The following ROBO2 variants were observed in gnomAD, a reference collection of about 807,000 sequenced individuals.
ROBO2 encodes the protein roundabout homolog 2.
ROBO2 carries 53 observed loss-of-function variants against 160.8 expected under a neutral mutation model. The observed-to-expected ratio is 0.33, with a 90% confidence interval of 0.26 to 0.41. The LOEUF is 0.41. Among genes scored for constraint, ROBO2 ranks in the 10% least tolerant of loss-of-function variants. The pLI is 1.00. For missense variants in ROBO2, 1,577 were observed against 1,722.4 expected, an observed-to-expected ratio of 0.92 and a Z score of 1.49; for synonymous variants, 664 against 611.7, an observed-to-expected ratio of 1.09 and a Z score of -1.26.
intron 3 of ROBO2, 71 bp from the exon 4 acceptor site, chr3:77,481,028 A>C: frequency 7.5e-7 from 1 of 1,335,172 alleles, no homozygotes; most frequent in Non-Finnish European, 1.1e-6. Flanking sequence ...AAAACTATTT[A>C]TTAATGACCT....
At chr3:77,602,661 G>GCCA (rs879356392) in intron 20 of ROBO2, among the ~76,000 whole-genome samples, 170 bp downstream of exon 21, 2,153 of 128,300 alleles carry the variant, frequency 0.017, 30 homozygotes, top group South Asian at 0.03. Context: ...CACCACCACC[G>GCCA]CCACCACCAC....
At chr3:76,032,840 T>G (rs911920656) in intron 2 of ROBO2, among the ~76,000 whole-genome samples, 3 of 152,190 alleles carry the variant, frequency 2.0e-5, no homozygotes, top group African/African-American at 7.2e-5. Flanking sequence ...ACGTATTGAG[T>G]GGTCCAAACA....
chr3:76,777,396 T>C (rs1057031644), intron 2 of ROBO2, among the ~76,000 whole-genome samples: 1 of 151,050 alleles, frequency 6.6e-6, no homozygotes, highest in Non-Finnish European at 1.5e-5. Flanking sequence ...ATGAGATAAG[T>C]AATAACTCTA....
chr3:77,579,339 T>A (rs1391793082), intron 15 of ROBO2, among the ~76,000 whole-genome samples: 2 of 151,966 alleles, frequency 1.3e-5, no homozygotes, highest in Non-Finnish European at 2.9e-5. Context: ...TATGTGTTGA[T>A]CAATATTAGA....
At chr3:76,377,841 T>TGTC (rs2076423840) in intron 2 of ROBO2, among the ~76,000 whole-genome samples, 1 of 152,162 alleles carries the variant, frequency 6.6e-6, no homozygotes, top group Non-Finnish European at 1.5e-5. Flanking sequence ...GAATCATTGA[T>TGTC]AACCAAACTT....
chr3:76,032,880 A>G (rs1407611211), intron 2 of ROBO2, among the ~76,000 whole-genome samples: 2 of 152,206 alleles, frequency 1.3e-5, no homozygotes, highest in Non-Finnish European at 1.5e-5. Flanking sequence ...AGCAATATTC[A>G]TATCACACAC....
intron 19 of ROBO2, 42 bp downstream of exon 20, chr3:77,596,792 TCTC>T: frequency 6.6e-7 from 1 of 1,516,400 alleles, no homozygotes; most frequent in East Asian, 2.4e-5. Flanking sequence ...GAGTTCTCTC[TCTC>T]TTTTTTTTTT....
At chr3:76,791,202 T>C (rs1056700063) in intron 2 of ROBO2, among the ~76,000 whole-genome samples, 1 of 151,698 alleles carries the variant, frequency 6.6e-6, no homozygotes, top group Non-Finnish European at 1.5e-5. Context: ...TAAGTACAAG[T>C]AGAAAAGAAC....
intron 2 of ROBO2, among the ~76,000 whole-genome samples, chr3:76,597,729 G>T (rs1010828697): frequency 1.3e-5 from 2 of 149,662 alleles, no homozygotes; most frequent in Non-Finnish European, 3.0e-5. Flanking sequence ...AGTGTCTGTT[G>T]TTCCCCTCCT....
rs901274764 is a variant in ROBO2, at chr3:76,219,145, C to A, written c.109+281543C>A. Among the ~76,000 whole-genome samples the A allele has an allele frequency of 3.3e-5, 5 of 152,258 alleles. No homozygotes were observed. In the Middle Eastern group the frequency reaches 0.014, roughly 417 times the overall value. On this transcript the variant is annotated intron_variant, in intron 2 of 26. Coordinates refer to the ROBO2 transcript ENST00000487694. ...TTGAAACTGGATCCCTTCCTTACAC[C>A]TTATACAAAAATTAATTCAAGATGG... is the stretch of plus-strand genomic sequence containing the variant.
intron 2 of ROBO2, among the ~76,000 whole-genome samples, chr3:76,480,785 C>G (rs2079167201): frequency 6.6e-6 from 1 of 151,878 alleles, no homozygotes; most frequent in Non-Finnish European, 1.5e-5. Flanking sequence ...TTGGGTGGAC[C>G]CAAACATTCA....
At chr3:76,809,497 G>A (rs886255244) in intron 2 of ROBO2, among the ~76,000 whole-genome samples, 1 of 152,084 alleles carries the variant, frequency 6.6e-6, no homozygotes, top group Non-Finnish European at 1.5e-5. Flanking sequence ...TCAAGGATGC[G>A]ATTATAACTT....
chr3:76,877,596 T>C (rs1577200991), intron 2 of ROBO2, among the ~76,000 whole-genome samples: 1 of 152,234 alleles, frequency 6.6e-6, no homozygotes, highest in South Asian at 2.1e-4. Flanking sequence ...TTCCACTTTG[T>C]ATCTTCGAAA....
intron 2 of ROBO2, among the ~76,000 whole-genome samples, chr3:77,142,391 C>T (rs1268248783): frequency 6.6e-6 from 1 of 152,166 alleles, no homozygotes; most frequent in Admixed American, 6.5e-5. Context: ...CGTACACTGA[C>T]GTGCAAGCAC....
intron 1 of ROBO2, among the ~76,000 whole-genome samples, chr3:77,070,788 C>T (rs971041216): frequency 2.6e-5 from 4 of 152,096 alleles, no homozygotes; most frequent in African/African-American, 7.2e-5. Context: ...ACTTGATTTA[C>T]ATTTCAAAGA....
chr3:76,562,016 C>A (rs116335632), intron 2 of ROBO2, among the ~76,000 whole-genome samples: 1,827 of 152,144 alleles, frequency 0.012, 38 homozygotes, highest in African/African-American at 0.041. Flanking sequence ...CTGCCCCTGT[C>A]ATTTACATCT....
chr3:76,976,428 GT>G (rs1348663601), intron 2 of ROBO2, among the ~76,000 whole-genome samples: 1 of 152,128 alleles, frequency 6.6e-6, no homozygotes, highest in Admixed American at 6.5e-5. Context: ...GAAATGGGAA[GT>G]TTTTTACAAA....
chr3:76,154,317 A>G (rs532857859), intron 2 of ROBO2, among the ~76,000 whole-genome samples: 1 of 152,232 alleles, frequency 6.6e-6, no homozygotes, highest in South Asian at 2.1e-4. Flanking sequence ...TCAGGATAAA[A>G]CTAATATATT....
intron 2 of ROBO2, among the ~76,000 whole-genome samples, chr3:76,821,085 A>C (rs2109131170): frequency 6.6e-6 from 1 of 152,122 alleles, no homozygotes; most frequent in African/African-American, 2.4e-5. Flanking sequence ...GTTCTATCAT[A>C]ATTTTTAACA....
Sources: gnomAD v4.1 joint callset for allele counts (sites outside exome capture counted in the v4.1 genomes callset) on GRCh38, gnomAD v4.1.1 for gene constraint, MANE v1.5 for transcripts, NCBI Gene and HGNC (gene_info 2026-07-23, HGNC 2026-07-21) for gene names.